RASSF8: variants seen among roughly 807,000 people sequenced by gnomAD.
RASSF8 encodes Ras association domain family member 8.
Under a neutral mutation model 48.5 loss-of-function variants are expected in RASSF8, and 22 were observed. That is an observed-to-expected ratio of 0.45 (90% CI 0.32 to 0.65). The LOEUF is 0.65. Among genes scored for constraint, RASSF8 ranks in the 30% least tolerant of loss-of-function variants. RASSF8 has a pLI of 0.03. For synonymous variants in RASSF8, 127 were observed against 171.5 expected, an observed-to-expected ratio of 0.74 and a Z score of 2.03; for missense variants, 418 against 489.2, an observed-to-expected ratio of 0.85 and a Z score of 1.37.
chr12:26,001,900 A>T (rs1369048306), intron 2 of RASSF8, among the ~76,000 whole-genome samples: 1 of 152,224 alleles, frequency 6.6e-6, no homozygotes, highest in Non-Finnish European at 1.5e-5. Context: ...ATTGTAAATA[A>T]TTGTAAGTGC....
Position 26,068,691 on chromosome 12 carries a change from G to C in RASSF8, c.1139-6G>C. 6.5e-7 allele frequency: 1 copy of C among 1,536,246 alleles called. No homozygotes were observed. The highest frequency in any genetic ancestry group is 8.7e-7 in the Non-Finnish European group (1 of 1,145,970). ...CATCAGGTGGCTCTCTTTGTTTCCT[G>C]TTTAGAGGCACCATTCCAGTCTGGG... On this transcript the variant is annotated splice_region_variant and splice_polypyrimidine_tract_variant and intron_variant, in intron 5 of 5. Coordinates refer to ENST00000689635, the MANE Select transcript of RASSF8 (RefSeq NM_001394098.1).
intron 2 of RASSF8, among the ~76,000 whole-genome samples, chr12:26,001,905 A>G (rs1462923276): frequency 6.6e-6 from 1 of 152,240 alleles, no homozygotes; most frequent in African/African-American, 2.4e-5. Flanking sequence ...AAATAATTGT[A>G]AGTGCTGTTT....
At chr12:26,076,797 G>T (rs556637672), downstream of RASSF8, among the ~76,000 whole-genome samples, 80 of 152,142 alleles carry the variant, frequency 5.3e-4, no homozygotes, top group Non-Finnish European at 1.0e-3. Flanking sequence ...GGATTGCTGG[G>T]TCAGATGGTA....
intron 2 of RASSF8, among the ~76,000 whole-genome samples, chr12:26,021,100 G>T (rs1281182052): frequency 6.6e-6 from 1 of 151,922 alleles, no homozygotes; most frequent in Admixed American, 6.6e-5. Flanking sequence ...ATAGAAACTG[G>T]AGCTCCCCTT....
chr12:26,060,453 T>A (rs1943717870), intron 3 of RASSF8, among the ~76,000 whole-genome samples: 1 of 152,202 alleles, frequency 6.6e-6, no homozygotes, highest in Non-Finnish European at 1.5e-5. Context: ...AATAACTAAA[T>A]GTCATCAGAA....
At chr12:26,009,483 T>C (rs1477810660) in intron 2 of RASSF8, among the ~76,000 whole-genome samples, 1 of 152,194 alleles carries the variant, frequency 6.6e-6, no homozygotes, top group Non-Finnish European at 1.5e-5. Context: ...TGCACAGGAC[T>C]GTCCCACATA....
At chr12:26,037,394 G>T (rs954826679) in intron 2 of RASSF8, among the ~76,000 whole-genome samples, 5 of 152,108 alleles carry the variant, frequency 3.3e-5, no homozygotes, top group Admixed American at 3.3e-4. Flanking sequence ...ATACAAATAA[G>T]TTTAAATTTT....
intron 2 of RASSF8, among the ~76,000 whole-genome samples, chr12:26,018,770 C>T (rs536789923): frequency 1.6e-4 from 25 of 152,210 alleles, no homozygotes; most frequent in African/African-American, 2.4e-4. Flanking sequence ...AGATTTGATA[C>T]GGCCCCAGAC....
intron 1 of RASSF8, among the ~76,000 whole-genome samples, chr12:25,960,521 C>G (rs1197179102): frequency 1.3e-5 from 2 of 152,182 alleles, no homozygotes; most frequent in Non-Finnish European, 2.9e-5. Context: ...ATGAGGCACA[C>G]TCCCCAAACC....
downstream of RASSF8, among the ~76,000 whole-genome samples, chr12:26,076,199 C>T (rs956079560): frequency 1.3e-5 from 2 of 152,074 alleles, no homozygotes; most frequent in Non-Finnish European, 2.9e-5. Flanking sequence ...TCAGTCTCCT[C>T]TCTCCTGAAC....
At chr12:26,015,206 C>CAA (rs11369240) in intron 2 of RASSF8, among the ~76,000 whole-genome samples, 111 of 133,172 alleles carry the variant, frequency 8.3e-4, no homozygotes, top group East Asian at 1.8e-3. Context: ...GATCCCGTCT[C>CAA]AAAAAAAAAA....
At chr12:26,047,168 C>T (rs1253665022) in intron 2 of RASSF8, among the ~76,000 whole-genome samples, 1 of 152,104 alleles carries the variant, frequency 6.6e-6, no homozygotes, top group Non-Finnish European at 1.5e-5. Context: ...AAACAGATGG[C>T]TTTTTATGTT....
intron 2 of RASSF8, among the ~76,000 whole-genome samples, chr12:26,036,633 C>T (rs371545789): frequency 9.2e-5 from 14 of 152,056 alleles, no homozygotes; most frequent in Admixed American, 3.3e-4. Context: ...TCTGGTCGAG[C>T]GCAGTGGCTC....
intron 5 of RASSF8, among the ~76,000 whole-genome samples, chr12:26,078,772 C>T (rs553613966): frequency 7.2e-5 from 11 of 152,098 alleles, no homozygotes; most frequent in Non-Finnish European, 8.8e-5. Flanking sequence ...GCTACATATC[C>T]TCCTCCAAAT....
At chr12:26,078,068 TTTGAAGAGTAAA>T (rs1944086967) in intron 5 of RASSF8, among the ~76,000 whole-genome samples, 7 of 152,288 alleles carry the variant, frequency 4.6e-5, no homozygotes, top group African/African-American at 1.7e-4. Flanking sequence ...GAATTAGGCT[TTTGAAGAGTAAA>T]CAAGTTTTCA....
chr12:26,060,545 C>G (rs1006346596), intron 3 of RASSF8, among the ~76,000 whole-genome samples: 1 of 152,066 alleles, frequency 6.6e-6, no homozygotes, highest in Non-Finnish European at 1.5e-5. Context: ...ACTCACAGAA[C>G]TAACTAAGAT....
chr12:25,996,526 A>G (rs1233172077), intron 2 of RASSF8, among the ~76,000 whole-genome samples: 1 of 152,162 alleles, frequency 6.6e-6, no homozygotes, highest in Non-Finnish European at 1.5e-5. Context: ...TCTCTGGATC[A>G]CTAGTAGTTA....
At chr12:26,017,202 A>G (rs1484787025) in intron 2 of RASSF8, among the ~76,000 whole-genome samples, 1 of 152,224 alleles carries the variant, frequency 6.6e-6, no homozygotes, top group East Asian at 1.9e-4. Flanking sequence ...ATCCTAAGTT[A>G]CACAAAGAAG....
At chr12:25,970,550 C>T (rs551510415) in intron 1 of RASSF8, among the ~76,000 whole-genome samples, 5 of 152,256 alleles carry the variant, frequency 3.3e-5, no homozygotes, top group East Asian at 1.9e-4. Flanking sequence ...CTGGTCTCCC[C>T]GCCTGAAACC....
Sources: gnomAD v4.1 joint callset for allele counts (sites outside exome capture counted in the v4.1 genomes callset) on GRCh38, gnomAD v4.1.1 for gene constraint, MANE v1.5 for transcripts, NCBI Gene and HGNC (gene_info 2026-07-23, HGNC 2026-07-21) for gene names.